The following CNBD1 variants were observed in gnomAD, a reference collection of about 807,000 sequenced individuals.
CNBD1 encodes the protein cyclic nucleotide binding domain containing 1, also known as cyclic nucleotide-binding domain-containing protein 1.
In CNBD1, 71 loss-of-function variants were observed where a neutral mutation model predicts 54.4. The observed-to-expected ratio is 1.30, with a 90% CI of 1.08 to 1.59. The LOEUF is 1.59. Ranked by LOEUF, CNBD1 falls within the 40% of genes most tolerant of loss-of-function variation. The pLI is 0.00. For missense variants in CNBD1, 659 were observed against 518.0 expected (o/e 1.27, Z -2.64); for synonymous variants, 182 against 170.7 (o/e 1.07, Z -0.51).
rs115090902 is a variant in CNBD1 at position 87,055,439 on chromosome 8, C to G, written c.431+115685C>G. On this transcript the variant is annotated intron_variant, in intron 4 of 10. Transcript: ENST00000518476. ...TGGGTTTGCTTTAGGTAAGTCCCCC[C>G]CTTCCCTCCCTGTGCAAGCTCCCAT... 9.2e-5 allele frequency among the ~76,000 whole-genome samples: 14 copies of G among 152,236 alleles called. No homozygotes were observed. The South Asian group carries it at 1.2e-3, about 14-fold the overall frequency.
intron 5 of CNBD1, among the ~76,000 whole-genome samples, chr8:87,222,943 T>C (rs1586340682): frequency 6.6e-6 from 1 of 152,248 alleles, no homozygotes; most frequent in Admixed American, 6.5e-5. Context: ...TAAATACTTT[T>C]ATGAAACTTA....
chr8:87,162,796 G>A (rs1225954769), intron 4 of CNBD1, among the ~76,000 whole-genome samples: 1 of 152,062 alleles, frequency 6.6e-6, no homozygotes, highest in African/African-American at 2.4e-5. Context: ...GCAAAAGGGA[G>A]GGAAGTGCTA....
In CNBD1 at chr8:87,210,506, A is replaced by G. The variant is rs554132300; in HGVS notation, c.577+4368A>G. ...GATAGGCCCAGAGGCTAAGGATGAA[A>G]CAATGGTTTTGTGGGCCTGGCACAG... On this transcript the variant is annotated intron_variant, in intron 5 of 10. Coordinates refer to ENST00000518476, the MANE Select transcript of CNBD1 (RefSeq NM_173538.3). Among the ~76,000 whole-genome samples, 3 of 152,300 alleles carry G rather than the reference A, an allele frequency of 2.0e-5. No homozygotes were observed. The East Asian group carries it at 5.8e-4, about 29-fold the overall frequency.
In CNBD1 at chr8:87,406,447, TACACACACACACAC is replaced by T. The variant is rs36222951; in HGVS notation, c.214-22080_214-22067del. Among the ~76,000 whole-genome samples, 8 of 122,158 alleles carry T rather than the reference TACACACACACACAC, an allele frequency of 6.5e-5. No individual in the cohort carries two copies. In the East Asian group the frequency reaches 6.6e-4, roughly 10 times the overall value. The allele number at this position is 122,158 out of a possible 152,430, so 80.1% of individuals were successfully genotyped here. ...CTCAGTTTACATATATATGTGTGTA[TACACACACACACAC>T]ACACACACACACACACACTTTTTTT... On this transcript the variant is annotated intron_variant, in intron 2 of 7. Transcript: ENST00000521593.
At chr8:87,050,641 T>C (rs1290537417) in intron 4 of CNBD1, among the ~76,000 whole-genome samples, 1 of 152,192 alleles carries the variant, frequency 6.6e-6, no homozygotes, top group African/African-American at 2.4e-5. Flanking sequence ...GAAGAAGGTA[T>C]TCTTTAGGTC....
At chr8:87,081,427 T>C (rs1810988001) in intron 4 of CNBD1, among the ~76,000 whole-genome samples, 1 of 152,134 alleles carries the variant, frequency 6.6e-6, no homozygotes, top group African/African-American at 2.4e-5. Context: ...ATATCAATTA[T>C]CTTAGTGAAT....
intron 4 of CNBD1, among the ~76,000 whole-genome samples, chr8:87,151,005 A>G (rs1812592238): frequency 1.3e-5 from 2 of 152,192 alleles, no homozygotes; most frequent in Admixed American, 1.3e-4. Context: ...AAGCCTATCT[A>G]AAGTTTGGCT....
intron 10 of CNBD1, among the ~76,000 whole-genome samples, chr8:87,369,568 G>A (rs1163812506): frequency 1.3e-5 from 2 of 151,828 alleles, no homozygotes; most frequent in African/African-American, 4.8e-5. Flanking sequence ...GATTAGTTTT[G>A]TTAGATTTAG....
chr8:87,371,018 G>T (rs576597030), intron 10 of CNBD1, among the ~76,000 whole-genome samples: 3 of 150,552 alleles, frequency 2.0e-5, no homozygotes, highest in South Asian at 2.1e-4. Flanking sequence ...TCTCAGGTTT[G>T]TCAAAGATCA....
At chr8:87,208,368 C>CA (rs923925030) in intron 5 of CNBD1, among the ~76,000 whole-genome samples, 4 of 151,734 alleles carry the variant, frequency 2.6e-5, no homozygotes, top group Admixed American at 6.6e-5. Flanking sequence ...TAAAATGCTA[C>CA]AAAAAATGAT....
At chr8:86,907,267 T>A (rs2131810667) in intron 3 of CNBD1, among the ~76,000 whole-genome samples, 1 of 152,296 alleles carries the variant, frequency 6.6e-6, no homozygotes, top group East Asian at 1.9e-4. Flanking sequence ...GTCACTGTTG[T>A]GAATTTGCCA....
intron 4 of CNBD1, among the ~76,000 whole-genome samples, chr8:87,187,060 A>G (rs563540685): frequency 1.3e-5 from 2 of 152,222 alleles, no homozygotes; most frequent in Admixed American, 6.5e-5. Flanking sequence ...ATTATGCAAC[A>G]TATTTGTTTT....
At chr8:87,413,117 G>T (rs1471494199) in intron 2 of CNBD1, among the ~76,000 whole-genome samples, 1 of 151,984 alleles carries the variant, frequency 6.6e-6, no homozygotes, top group Non-Finnish European at 1.5e-5. Flanking sequence ...TTGTGAGAGA[G>T]ACCATGTGAG....
chr8:87,069,077 A>G (rs898014575), intron 4 of CNBD1, among the ~76,000 whole-genome samples: 42 of 152,150 alleles, frequency 2.8e-4, no homozygotes, highest in African/African-American at 9.9e-4. Context: ...TACACCTGCT[A>G]ATTTGGTGCT....
intron 8 of CNBD1, among the ~76,000 whole-genome samples, chr8:87,331,129 A>G (rs1809820660): frequency 6.6e-6 from 1 of 152,152 alleles, no homozygotes; most frequent in Non-Finnish European, 1.5e-5. Flanking sequence ...TACATATGCC[A>G]TTGTGGTTTG....
intron 4 of CNBD1, among the ~76,000 whole-genome samples, chr8:87,031,137 T>A (rs1338406108): frequency 9.2e-5 from 14 of 151,562 alleles, no homozygotes; most frequent in Admixed American, 9.2e-4. Context: ...CGATATATAA[T>A]TAAAAATGGC....
At chr8:87,381,269 A>G (rs1199455655) in intron 10 of CNBD1, among the ~76,000 whole-genome samples, 1 of 152,102 alleles carries the variant, frequency 6.6e-6, no homozygotes, top group Non-Finnish European at 1.5e-5. Flanking sequence ...AATGGCCAGC[A>G]TGTGTATTTT....
intron 4 of CNBD1, among the ~76,000 whole-genome samples, chr8:87,034,435 A>G (rs949271370): frequency 7.9e-5 from 12 of 152,250 alleles, no homozygotes; most frequent in Non-Finnish European, 1.8e-4. Flanking sequence ...GCTCATCTCA[A>G]CAGCAACAGG....
intron 6 of CNBD1, among the ~76,000 whole-genome samples, chr8:87,254,989 T>A (rs28529723): frequency 0.29 from 43,315 of 151,780 alleles, 6,686 homozygotes; most frequent in African/African-American, 0.4. Flanking sequence ...TGATTTTTTT[T>A]AAAAAAGATT....
Sources: gnomAD v4.1 joint callset for allele counts (sites outside exome capture counted in the v4.1 genomes callset) on GRCh38, gnomAD v4.1.1 for gene constraint, MANE v1.5 for transcripts, NCBI Gene and HGNC (gene_info 2026-07-23, HGNC 2026-07-21) for gene names.